The following PPP2R1A variants were observed in gnomAD, a reference collection of about 807,000 sequenced individuals.
PPP2R1A encodes the protein serine/threonine-protein phosphatase 2A 65 kDa regulatory subunit A alpha isoform.
Under a neutral mutation model 67.1 loss-of-function variants are expected in PPP2R1A, and 15 were observed. The observed-to-expected ratio is 0.22, with a 90% confidence interval of 0.15 to 0.34. The LOEUF (loss-of-function observed/expected upper bound fraction) is 0.34, where lower values mean the gene tolerates loss of function less well. Ranked by LOEUF, PPP2R1A falls within the 10% of genes least tolerant of loss-of-function variation. The pLI is 1.00. For synonymous variants in PPP2R1A, 337 were observed against 325.0 expected, an observed-to-expected ratio of 1.04 and a Z score of -0.40; for missense variants, 369 against 775.0, an observed-to-expected ratio of 0.48 and a Z score of 6.22.
rs141026315 is a variant in PPP2R1A, at chr19:52,205,296, C to T, written c.170-667C>T. 2.5e-3 allele frequency among the ~76,000 whole-genome samples: 380 copies of T among 152,268 alleles called. 4 individuals are homozygous for T. The highest frequency in any genetic ancestry group is 8.4e-3 in the African/African-American group (347 of 41,546). ...TTGGATGTGGGCATTAGGGACAGAA[C>T]GGATTTTCCCTTCACATATTCATTC... On this transcript the variant is annotated intron_variant, in intron 2 of 14. Transcript: ENST00000322088.
chr19:52,197,167 C>T (rs1019327581), intron 1 of PPP2R1A, among the ~76,000 whole-genome samples: 1 of 152,094 alleles, frequency 6.6e-6, no homozygotes, highest in Non-Finnish European at 1.5e-5. Flanking sequence ...TTTAACTTCC[C>T]TTCTGTTATA....
At chr19:52,220,924 C>T in intron 11 of PPP2R1A, 55 bp from the exon 12 acceptor site, 1 of 1,592,814 alleles carries the variant, frequency 6.3e-7, no homozygotes. Context: ...ACATTTTGCC[C>T]ACATCAGTTC....
chr19:52,214,611 C>T (rs917465016), intron 6 of PPP2R1A, among the ~76,000 whole-genome samples: 2 of 152,114 alleles, frequency 1.3e-5, no homozygotes, highest in Admixed American at 6.6e-5. Flanking sequence ...TGTTCATTCC[C>T]GTCTTCATAA....
Position 52,212,118 on chromosome 19 carries a change from C to G in PPP2R1A, c.504-568C>G, listed in dbSNP as rs1335046616. Among the ~76,000 whole-genome samples the G allele has an allele frequency of 2.0e-5, 3 of 152,228 alleles. No individual in the cohort carries two copies. Among genetic ancestry groups the G allele is most frequent in the East Asian group, 1.9e-4 (1 of 5,192 alleles). ...GTTTGTTTTTTGAGATAGGATCTCG[C>G]TCTGTCATCCAGGCTGAAGTGCACT... On this transcript the variant is annotated intron_variant, in intron 4 of 14. Coordinates refer to ENST00000322088, the MANE Select transcript of PPP2R1A (RefSeq NM_014225.6). The surrounding 1 kb of genome is among the most constrained non-coding windows in gnomAD (Gnocchi z 4.1).
At chr19:52,200,057 C>A (rs1049039141) in intron 1 of PPP2R1A, among the ~76,000 whole-genome samples, 2 of 152,236 alleles carry the variant, frequency 1.3e-5, no homozygotes, top group African/African-American at 4.8e-5. Flanking sequence ...CCAACTCACG[C>A]AAGATCTTAG....
chr19:52,220,847 T>A (rs897049966), intron 11 of PPP2R1A, 132 bp from the exon 12 acceptor site: 2 of 1,077,096 alleles, frequency 1.9e-6, no homozygotes, highest in Non-Finnish European at 1.4e-6. Context: ...AGTCCTTTTT[T>A]CTCTCTTTGG....
At chr19:52,217,348 G>A (rs1335765152) in intron 9 of PPP2R1A, among the ~76,000 whole-genome samples, 1 of 152,322 alleles carries the variant, frequency 6.6e-6, no homozygotes, top group African/African-American at 2.4e-5. Flanking sequence ...ACAGGCAAGA[G>A]CCACCACATC....
intron 1 of PPP2R1A, chr19:52,201,625 G>C (rs2089550163): frequency 5.7e-6 from 2 of 350,010 alleles, no homozygotes; most frequent in African/African-American, 4.2e-5. Flanking sequence ...GTGTATAGGA[G>C]AAAGTGATGA....
intron 1 of PPP2R1A, among the ~76,000 whole-genome samples, chr19:52,200,604 C>T (rs552686231): frequency 6.6e-5 from 10 of 152,158 alleles, no homozygotes; most frequent in Admixed American, 2.0e-4. Flanking sequence ...CTTAACACAA[C>T]GAATTTATTC....
chr19:52,208,185 C>T (rs908394295), intron 3 of PPP2R1A, among the ~76,000 whole-genome samples: 3 of 151,968 alleles, frequency 2.0e-5, no homozygotes, highest in Non-Finnish European at 2.9e-5. Context: ...GTTTTTTTCC[C>T]GAGATGGAGT....
rs1016272948 is a variant in PPP2R1A, at chr19:52,228,788, T to C, written c.*2807T>C. The C allele has an allele frequency of 6.6e-6, 1 of 152,338 alleles. No individual in the cohort carries two copies. Among genetic ancestry groups the C allele is most frequent in the East Asian group, 1.9e-4 (1 of 5,190 alleles). 9.4% of individuals were successfully genotyped at this position (152,338 alleles called of 1,614,324 possible). A position where few individuals can be genotyped will look rare whatever the true frequency, so the allele number is the denominator to read the frequency against. ...TCCTTTTGTGATGACTGCACTTCTT[T>C]GGCTGTTTTTGCCAACAGCCTCTTC... On this transcript the variant is annotated 3_prime_UTR_variant, in exon 15 of 15. Coordinates refer to ENST00000322088, the MANE Select transcript of PPP2R1A (RefSeq NM_014225.6).
In PPP2R1A at chr19:52,212,445, T is replaced by G; in HGVS notation, c.504-241T>G. On this transcript the variant is annotated intron_variant, in intron 4 of 14. Coordinates refer to ENST00000322088, the MANE Select transcript of PPP2R1A (RefSeq NM_014225.6). The surrounding 1 kb of genome is among the most constrained non-coding windows in gnomAD (Gnocchi z 4.1). ...CGTCAGCACTTAGCATTGACTAGAT[T>G]TATTATGCGCAATCTGCGAAGTGTC... 2 of 539,746 alleles carry G rather than the reference T, an allele frequency of 3.7e-6. No individual in the cohort carries two copies. Among genetic ancestry groups the G allele is most frequent in the East Asian group, 3.3e-5 (1 of 30,028 alleles). The allele number at this position is 539,746 out of a possible 1,614,324, so 33.4% of individuals were successfully genotyped here. A position where few individuals can be genotyped will look rare whatever the true frequency, so the allele number is the denominator to read the frequency against.
rs564855547 is a variant in PPP2R1A, at chr19:52,205,613, C to T, written c.170-350C>T. 3.3e-5 allele frequency among the ~76,000 whole-genome samples: 5 copies of T among 152,304 alleles called. No homozygotes were observed. In the South Asian group the frequency reaches 8.3e-4, roughly 25 times the overall value. On this transcript the variant is annotated intron_variant, in intron 2 of 14. Coordinates refer to ENST00000322088, the MANE Select transcript of PPP2R1A (RefSeq NM_014225.6). Reference sequence around the variant, plus strand: ...AAAAGCTCTCGTTGACCATGCTCTGCGCTTTATACACCTAGTCATATTTGC... The same window carrying T: ...AAAAGCTCTCGTTGACCATGCTCTGTGCTTTATACACCTAGTCATATTTGC...
At chr19:52,192,818 G>GAAGTTGTGTGGA (rs2089466826) in intron 1 of PPP2R1A, among the ~76,000 whole-genome samples, 2 of 152,176 alleles carry the variant, frequency 1.3e-5, no homozygotes, top group Non-Finnish European at 2.9e-5. Context: ...AGGTGTGGGG[G>GAAGTTGTGTGGA]AAGTTGTGTG....
intron 3 of PPP2R1A, among the ~76,000 whole-genome samples, chr19:52,206,401 A>C (rs917528182): frequency 6.6e-6 from 1 of 152,122 alleles, no homozygotes; most frequent in Non-Finnish European, 1.5e-5. Context: ...TCTGTGCTGT[A>C]CCTTTCTCAT....
chr19:52,219,880 T>G lies in PPP2R1A; in HGVS notation c.1302+16T>G, dbSNP rs1286945594. On this transcript the variant is annotated intron_variant, in intron 10 of 14. Coordinates refer to ENST00000322088, the MANE Select transcript of PPP2R1A (RefSeq NM_014225.6). This position sits in a 1 kb window ranked among gnomAD's most constrained non-coding sequence, Gnocchi z 4.0. ...TGGACAGCTGGTGAGTGAGGAGGCC[T>G]GGGGGCCAGGCAGTGCTGCCTCAGG... is the stretch of plus-strand genomic sequence containing the variant. The G allele has an allele frequency of 6.2e-7, 1 of 1,603,606 alleles. No homozygotes were observed. The highest frequency in any genetic ancestry group is 8.5e-7 in the Non-Finnish European group (1 of 1,175,880).
At chr19:52,210,650 C>G (rs2089658606) in intron 3 of PPP2R1A, among the ~76,000 whole-genome samples, 2 of 152,024 alleles carry the variant, frequency 1.3e-5, no homozygotes, top group African/African-American at 4.8e-5. Flanking sequence ...CACCACCACA[C>G]CCAGCTAATT....
At chr19:52,220,381 G>A (rs1026031183) in intron 11 of PPP2R1A, 132 bp downstream of exon 11, 11 of 941,044 alleles carry the variant, frequency 1.2e-5, no homozygotes, top group African/African-American at 3.3e-5. Context: ...GTATGGACCA[G>A]CTCGCATGCT....
intron 2 of PPP2R1A, among the ~76,000 whole-genome samples, chr19:52,204,828 G>T (rs942891398): frequency 6.6e-6 from 1 of 152,166 alleles, no homozygotes; most frequent in East Asian, 1.9e-4. Context: ...GCTCTTCAAT[G>T]AAAGCATTTA....
Sources: gnomAD v4.1 joint callset for allele counts (sites outside exome capture counted in the v4.1 genomes callset) on GRCh38, gnomAD v4.1.1 for gene constraint, Gnocchi (gnomAD v3.1) non-coding constraint, MANE v1.5 for transcripts, NCBI Gene and HGNC (gene_info 2026-07-23, HGNC 2026-07-21) for gene names.